FBXO31: variants seen among roughly 807,000 people sequenced by gnomAD.
FBXO31 encodes the protein F-box only protein 31.
In FBXO31, 24 loss-of-function variants were observed where a neutral mutation model predicts 54.4. That is an observed-to-expected ratio of 0.44 (90% CI 0.32 to 0.62). The LOEUF (loss-of-function observed/expected upper bound fraction) is 0.62, where lower values mean the gene tolerates loss of function less well. Among genes scored for constraint, FBXO31 ranks in the 20% least tolerant of loss-of-function variants. The pLI is 0.05. For missense variants in FBXO31, 665 were observed against 787.1 expected (o/e 0.84, Z 1.86); for synonymous variants, 388 against 335.6 (o/e 1.16, Z -1.71).
chr16:87,376,659 A>T (rs1328079495), intron 1 of FBXO31, among the ~76,000 whole-genome samples: 1 of 152,226 alleles, frequency 6.6e-6, no homozygotes, highest in African/African-American at 2.4e-5. Flanking sequence ...ACTGGGTGGT[A>T]AACACAGAAA....
chr16:87,331,144 T>C lies in FBXO31; in HGVS notation c.*144A>G, dbSNP rs1268500233. 5 of 689,176 alleles carry C rather than the reference T, an allele frequency of 7.3e-6. No homozygotes were observed. The highest frequency in any genetic ancestry group is 7.1e-5 in the African/African-American group (4 of 56,040). The allele number at this position is 689,176 out of a possible 1,614,324, so 42.7% of individuals were successfully genotyped here. ...ATGTCACACTCTCTACATAAAGTGC[T>C]GGGGGGTGGCTGGACTGGGCCCCCC... On this transcript the variant is annotated 3_prime_UTR_variant, in exon 9 of 9. Transcript: ENST00000311635.
At chr16:87,349,730 G>T (rs1000293156) in intron 2 of FBXO31, among the ~76,000 whole-genome samples, 60 of 150,120 alleles carry the variant, frequency 4.0e-4, no homozygotes, top group African/African-American at 1.4e-3. Context: ...AAAATCAACT[G>T]GATCAGCTAT....
In FBXO31 at chr16:87,346,018, G is replaced by A. The variant is rs1212365533; in HGVS notation, c.489+1156C>T. ...GGGAGGTGGAGGAGGGAAGCAGAGT[G>A]GCTGCTGAGAGGAGAAGGGGCCAAG... is the stretch of plus-strand genomic sequence containing the variant. On this transcript the variant is annotated intron_variant, in intron 3 of 8. Coordinates refer to ENST00000311635, the MANE Select transcript of FBXO31 (RefSeq NM_024735.5). The surrounding 1 kb of genome is among the most constrained non-coding windows in gnomAD (Gnocchi z 4.2). Among the ~76,000 whole-genome samples, 1 of 152,118 alleles carries A rather than the reference G, an allele frequency of 6.6e-6. No individual in the cohort carries two copies. The highest frequency in any genetic ancestry group is 1.5e-5 in the Non-Finnish European group (1 of 68,006).
At chr16:87,365,022 T>TATATATATATAC (rs1405695279) in intron 1 of FBXO31, among the ~76,000 whole-genome samples, 1 of 100,250 alleles carries the variant, frequency 1.0e-5, no homozygotes, top group Non-Finnish European at 2.0e-5. Context: ...TATATATATA[T>TATATATATATAC]ATATATATAT....
Position 87,335,828 on chromosome 16 carries a change from T to C in FBXO31, c.842+327A>G, listed in dbSNP as rs1294339843. ...GGGCTGAGCTCTAGAGTGCCAGTGT[T>C]GGCAGGGGTGACAGGAAATCAGATA... On this transcript the variant is annotated intron_variant, in intron 6 of 8. Coordinates refer to ENST00000311635, the MANE Select transcript of FBXO31 (RefSeq NM_024735.5). This position sits in a 1 kb window ranked among gnomAD's most constrained non-coding sequence, Gnocchi z 5.7. 6.6e-6 allele frequency among the ~76,000 whole-genome samples: 1 copy of C among 152,014 alleles called. No individual in the cohort carries two copies. The highest frequency in any genetic ancestry group is 1.5e-5 in the Non-Finnish European group (1 of 67,972).
chr16:87,389,707 G>A (rs1365677087), intron 1 of FBXO31: 1 of 152,132 alleles, frequency 6.6e-6, no homozygotes, highest in Non-Finnish European at 1.5e-5. Flanking sequence ...TTGTTGTTTG[G>A]CAGAAGGTAG....
chr16:87,375,265 C>T (rs1906774345), intron 1 of FBXO31, among the ~76,000 whole-genome samples: 1 of 152,124 alleles, frequency 6.6e-6, no homozygotes, highest in African/African-American at 2.4e-5. Flanking sequence ...CAAGATCGCG[C>T]CACTGCACTC....
At chr16:87,349,031 A>G (rs1905523516) in intron 2 of FBXO31, among the ~76,000 whole-genome samples, 1 of 152,252 alleles carries the variant, frequency 6.6e-6, no homozygotes, top group African/African-American at 2.4e-5. Context: ...GAGACAGGAA[A>G]CATTCATACA....
intron 5 of FBXO31, among the ~76,000 whole-genome samples, chr16:87,337,696 G>C (rs1177548245): frequency 7.3e-6 from 1 of 137,304 alleles, no homozygotes; most frequent in South Asian, 2.1e-4. Context: ...AAGGTGCTCC[G>C]TCAGTTGGGT....
At chr16:87,337,677 G>T (rs1257296403) in intron 5 of FBXO31, among the ~76,000 whole-genome samples, 3 of 150,124 alleles carry the variant, frequency 2.0e-5, no homozygotes, top group Non-Finnish European at 4.5e-5. Flanking sequence ...GGAAAGGAAG[G>T]TTTTCAGCAA....
chr16:87,368,316 A>C (rs1340431944), intron 1 of FBXO31, among the ~76,000 whole-genome samples: 2 of 152,238 alleles, frequency 1.3e-5, no homozygotes, highest in African/African-American at 4.8e-5. Context: ...ATGATGAAAA[A>C]AGTCTTTTAA....
intron 2 of FBXO31, among the ~76,000 whole-genome samples, chr16:87,348,030 C>T (rs991463683): frequency 2.0e-5 from 3 of 152,324 alleles, no homozygotes; most frequent in East Asian, 1.9e-4. Flanking sequence ...ACTTCCTGAG[C>T]AGCTCCAGGT....
chr16:87,350,042 C>T (rs900793823), intron 2 of FBXO31, among the ~76,000 whole-genome samples: 6 of 152,134 alleles, frequency 3.9e-5, no homozygotes, highest in Admixed American at 6.6e-5. Context: ...CACATGTTGG[C>T]GAACATGGTT....
At chr16:87,376,063 C>T (rs776086587) in intron 1 of FBXO31, among the ~76,000 whole-genome samples, 1 of 152,102 alleles carries the variant, frequency 6.6e-6, no homozygotes, top group Non-Finnish European at 1.5e-5. Flanking sequence ...ACCTCATTTC[C>T]AGTTGCCAGT....
At chr16:87,371,963 T>C (rs1056380042) in intron 1 of FBXO31, among the ~76,000 whole-genome samples, 9 of 151,950 alleles carry the variant, frequency 5.9e-5, no homozygotes, top group Non-Finnish European at 8.8e-5. Flanking sequence ...GTGGCTCATG[T>C]ATGTAATCCC....
chr16:87,344,355 AGTGCGTTGCCC>A (rs1376848241), intron 3 of FBXO31, among the ~76,000 whole-genome samples: 1 of 152,242 alleles, frequency 6.6e-6, no homozygotes, highest in Non-Finnish European at 1.5e-5. Context: ...AGAGCCGAGG[AGTGCGTTGCCC>A]GTGCGATCTC....
At chr16:87,386,660 C>G, upstream of FBXO31, among the ~76,000 whole-genome samples, 1 of 152,152 alleles carries the variant, frequency 6.6e-6, no homozygotes, top group East Asian at 1.9e-4. Flanking sequence ...TCTTGAATTC[C>G]TGACCAGAGG....
intron 1 of FBXO31, among the ~76,000 whole-genome samples, chr16:87,365,012 T>TATATATATATATAC: frequency 2.0e-5 from 1 of 49,396 alleles, no homozygotes; most frequent in South Asian, 5.6e-4. Context: ...GTCTCTTAAA[T>TATATATATATATAC]ATATATATAT....
rs368984700 is a variant in FBXO31, at chr16:87,347,254, C to T, written c.413-4G>A. The T allele has an allele frequency of 7.1e-5, 115 of 1,613,904 alleles. No individual in the cohort carries two copies. The highest frequency in any genetic ancestry group is 3.3e-4 in the Middle Eastern group (2 of 6,062). ...ATGTGTCTATATCGGTGAAGCACTACAGGAGGAGAGAAAGAGCAAGTCTCT... is the reference window on the plus strand; with the variant it reads ...ATGTGTCTATATCGGTGAAGCACTATAGGAGGAGAGAAAGAGCAAGTCTCT... On this transcript the variant is annotated splice_region_variant and splice_polypyrimidine_tract_variant and intron_variant, in intron 2 of 8. Coordinates refer to ENST00000311635, the MANE Select transcript of FBXO31 (RefSeq NM_024735.5).
Sources: allele counts gnomAD v4.1 joint callset (sites outside exome capture counted in the v4.1 genomes callset), GRCh38; gene constraint gnomAD v4.1.1; non-coding constraint Gnocchi (gnomAD v3.1); transcripts MANE v1.5; gene names NCBI Gene and HGNC (gene_info 2026-07-23, HGNC 2026-07-21).